MACROD2: variants seen among roughly 807,000 people sequenced by gnomAD.
The protein encoded by MACROD2 is mono-ADP ribosylhydrolase 2.
In MACROD2, 36 loss-of-function variants were observed where a neutral mutation model predicts 70.4. The ratio of observed to expected loss-of-function variants is 0.51; its 90% CI spans 0.39 to 0.68. The LOEUF (loss-of-function observed/expected upper bound fraction) is 0.68. Among genes scored for constraint, MACROD2 ranks in the 30% least tolerant of loss-of-function variants. MACROD2 has a pLI of 0.00. For missense variants in MACROD2, 496 were observed against 538.4 expected, an observed-to-expected ratio of 0.92 and a Z score of 0.78; for synonymous variants, 172 against 178.8, an observed-to-expected ratio of 0.96 and a Z score of 0.30.
chr20:15,117,257 G>A (rs2075997946), intron 5 of MACROD2, among the ~76,000 whole-genome samples: 1 of 152,118 alleles, frequency 6.6e-6, no homozygotes, highest in African/African-American at 2.4e-5. Flanking sequence ...AAAGTTCAGT[G>A]GGTTTTGCTT....
chr20:15,548,253 T>C (rs1171994697), intron 8 of MACROD2, among the ~76,000 whole-genome samples: 1 of 152,224 alleles, frequency 6.6e-6, no homozygotes, highest in Non-Finnish European at 1.5e-5. Context: ...TTCAGAGTTC[T>C]AATTAAGGGT....
At chr20:14,363,405 G>A (rs184672182) in intron 3 of MACROD2, among the ~76,000 whole-genome samples, 1 of 152,042 alleles carries the variant, frequency 6.6e-6, no homozygotes. Context: ...AAAACATGCC[G>A]TTCTAACCAT....
intron 8 of MACROD2, among the ~76,000 whole-genome samples, chr20:15,722,840 C>T (rs1447611535): frequency 6.6e-6 from 1 of 152,124 alleles, no homozygotes; most frequent in African/African-American, 2.4e-5. Context: ...TATTATTTCT[C>T]TAAAAGCTTT....
intron 4 of MACROD2, among the ~76,000 whole-genome samples, chr20:14,505,096 A>G (rs1157036018): frequency 2.6e-5 from 4 of 152,218 alleles, no homozygotes; most frequent in Admixed American, 2.6e-4. Context: ...TTTCAGTTTA[A>G]TTGAGAATGG....
chr20:15,230,005 G>A lies in MACROD2; in HGVS notation c.484G>A (p.Ala162Thr), dbSNP rs760353002. The A allele has an allele frequency of 1.2e-5, 19 of 1,613,588 alleles. No individual in the cohort carries two copies. In the South Asian group the frequency reaches 1.9e-4, roughly 16 times the overall value. Residue 162 changes from alanine (A) to threonine (T), a missense_variant, in exon 6 of 18, where the codon GCA becomes ACA. Coordinates refer to ENST00000684519, the MANE Select transcript of MACROD2 (RefSeq NM_001351661.2). ...HINGSHKEDL[A>T]NCYKSSLKLV... is the part of the protein sequence containing the mutation. ...TAATGGTTCCCACAAGGAAGACCTT[G>A]CAAATTGCTATAAATCATCTCTGAA...
At chr20:15,905,141 T>C (rs544911256) in intron 10 of MACROD2, among the ~76,000 whole-genome samples, 2 of 152,300 alleles carry the variant, frequency 1.3e-5, no homozygotes, top group South Asian at 2.1e-4. Flanking sequence ...TTCTTCATGC[T>C]CAGTAAATAT....
chr20:15,814,061 T>A (rs991114847), intron 8 of MACROD2, among the ~76,000 whole-genome samples: 5 of 151,952 alleles, frequency 3.3e-5, no homozygotes, highest in African/African-American at 1.2e-4. Context: ...CTTAACCAAG[T>A]TAATTGAGGA....
chr20:15,357,576 A>G (rs2078302094), intron 6 of MACROD2, among the ~76,000 whole-genome samples: 1 of 152,156 alleles, frequency 6.6e-6, no homozygotes, highest in Admixed American at 6.5e-5. Context: ...GATAATTAAT[A>G]ATAATTCCTA....
At chr20:15,454,445 A>ACACACACG (rs1555822879) in intron 7 of MACROD2, among the ~76,000 whole-genome samples, 281 of 123,886 alleles carry the variant, frequency 2.3e-3, no homozygotes, top group African/African-American at 7.5e-3. Context: ...ACACACACAC[A>ACACACACG]CACACACACC....
chr20:15,436,348 A>G (rs886080197), intron 7 of MACROD2, among the ~76,000 whole-genome samples: 2 of 152,156 alleles, frequency 1.3e-5, no homozygotes, highest in Non-Finnish European at 2.9e-5. Context: ...AGACAGAAAG[A>G]GAGCTTGTGC....
chr20:14,886,809 G>A (rs1311149875), intron 5 of MACROD2, among the ~76,000 whole-genome samples: 1 of 152,102 alleles, frequency 6.6e-6, no homozygotes, highest in Non-Finnish European at 1.5e-5. Context: ...ATGAGGAAAT[G>A]AAGTAAGAAC....
intron 5 of MACROD2, among the ~76,000 whole-genome samples, chr20:14,978,696 C>G (rs2074766259): frequency 7.0e-6 from 1 of 142,012 alleles, no homozygotes; most frequent in African/African-American, 2.6e-5. Context: ...CTCCAAAACC[C>G]AAGACCATGG....
chr20:14,039,330 A>G (rs1164282783), intron 2 of MACROD2, among the ~76,000 whole-genome samples: 1 of 152,194 alleles, frequency 6.6e-6, no homozygotes, highest in Non-Finnish European at 1.5e-5. Flanking sequence ...GAAAGTTGTG[A>G]AATTGGTGAA....
intron 8 of MACROD2, among the ~76,000 whole-genome samples, chr20:15,697,864 A>G (rs1025693167): frequency 6.6e-6 from 1 of 152,296 alleles, no homozygotes; most frequent in East Asian, 1.9e-4. Context: ...GTCTGATATA[A>G]GAATAGCTAC....
intron 8 of MACROD2, among the ~76,000 whole-genome samples, chr20:15,664,848 A>T (rs1348675524): frequency 6.6e-6 from 1 of 152,126 alleles, no homozygotes; most frequent in Non-Finnish European, 1.5e-5. Flanking sequence ...GGGTGTGGGG[A>T]GGTATACTCC....
At chr20:15,404,085 A>G (rs1402014298) in intron 6 of MACROD2, among the ~76,000 whole-genome samples, 1 of 152,166 alleles carries the variant, frequency 6.6e-6, no homozygotes, top group Non-Finnish European at 1.5e-5. Flanking sequence ...CCATGCTACA[A>G]TACAATATTT....
chr20:15,796,453 C>T (rs6135528), intron 8 of MACROD2, among the ~76,000 whole-genome samples: 29,982 of 152,116 alleles, frequency 0.2, 3,016 homozygotes, highest in Non-Finnish European at 0.21. Flanking sequence ...AAAACCTTTG[C>T]ACGTAACAAA....
Position 15,313,502 on chromosome 20 carries a change from G to A in MACROD2, c.540+83441G>A, listed in dbSNP as rs1298868143. 1.0e-4 allele frequency among the ~76,000 whole-genome samples: 11 copies of A among 107,340 alleles called. No homozygotes were observed. In the East Asian group the frequency reaches 1.2e-3, roughly 12 times the overall value. 70.4% of individuals were successfully genotyped at this position (107,340 alleles called of 152,430 possible). A position where few individuals can be genotyped will look rare whatever the true frequency, so the allele number is the denominator to read the frequency against. On this transcript the variant is annotated intron_variant, in intron 6 of 17. Transcript: ENST00000684519. ...AGCCTGGGCGACAGAGCGAGACTCC[G>A]TCTCAAAAAAAAAAAAAAAAAAAAA...
intron 4 of MACROD2, among the ~76,000 whole-genome samples, chr20:14,629,472 G>T (rs749544747): frequency 2.0e-5 from 3 of 152,140 alleles, no homozygotes; most frequent in Non-Finnish European, 4.4e-5. Context: ...TTAGTAATCT[G>T]AGACAATTTC....
Sources: allele counts gnomAD v4.1 joint callset (sites outside exome capture counted in the v4.1 genomes callset), GRCh38; gene constraint gnomAD v4.1.1; transcripts MANE v1.5; gene names NCBI Gene and HGNC (gene_info 2026-07-23, HGNC 2026-07-21).